KCTD1: variants seen among roughly 807,000 people sequenced by gnomAD.
KCTD1 encodes the protein potassium channel tetramerization domain containing 1.
KCTD1 carries 24 observed loss-of-function variants against 66.0 expected under a neutral mutation model. The ratio of observed to expected loss-of-function variants is 0.36; its 90% CI spans 0.26 to 0.51. KCTD1 has a LOEUF of 0.51. Ranked by LOEUF, KCTD1 falls within the 20% of genes least tolerant of loss-of-function variation. The pLI is 0.95. For missense variants in KCTD1, 943 were observed against 1,205.2 expected, an observed-to-expected ratio of 0.78 and a Z score of 3.22; for synonymous variants, 511 against 517.2, an observed-to-expected ratio of 0.99 and a Z score of 0.16.
chr18:26,592,662 C>G (rs1986635476), intron 1 of KCTD1, among the ~76,000 whole-genome samples: 1 of 152,234 alleles, frequency 6.6e-6, no homozygotes, highest in Admixed American at 6.5e-5. Context: ...AACCCACCCC[C>G]ATGACCACAT....
At chr18:26,593,946 G>T (rs867680129) in intron 1 of KCTD1, among the ~76,000 whole-genome samples, 1 of 152,008 alleles carries the variant, frequency 6.6e-6, no homozygotes, top group African/African-American at 2.4e-5. Flanking sequence ...AGAAGAGAAG[G>T]GGGGGAGAAG....
intron 1 of KCTD1, among the ~76,000 whole-genome samples, chr18:26,635,105 CT>C (rs893500477): frequency 3.3e-5 from 5 of 152,030 alleles, no homozygotes; most frequent in African/African-American, 1.2e-4. Context: ...CTCATTATGG[CT>C]TTTTTTGCAT....
intron 3 of KCTD1, among the ~76,000 whole-genome samples, 158 bp from the exon 4 acceptor site, chr18:26,460,083 GCATTCATT>G (rs376911878): frequency 6.6e-5 from 10 of 152,098 alleles, no homozygotes; most frequent in South Asian, 2.1e-4. Flanking sequence ...GGCTCAATTT[GCATTCATT>G]CATTCATTCA....
intron 1 of KCTD1, among the ~76,000 whole-genome samples, chr18:26,505,416 G>A (rs1982983475): frequency 6.6e-6 from 1 of 152,246 alleles, no homozygotes; most frequent in South Asian, 2.1e-4. Context: ...TCTGCGCATT[G>A]CTCAGGCAAA....
intron 1 of KCTD1, chr18:26,544,405 T>G (rs999157647): frequency 1.3e-5 from 2 of 152,240 alleles, no homozygotes; most frequent in African/African-American, 4.8e-5. Flanking sequence ...TTAGGGAAAC[T>G]TGCAACATTA....
intron 2 of KCTD1, among the ~76,000 whole-genome samples, chr18:26,482,356 C>T (rs1219898421): frequency 6.6e-6 from 1 of 152,158 alleles, no homozygotes; most frequent in Non-Finnish European, 1.5e-5. Flanking sequence ...CCCAAGACTC[C>T]TGAGGTTCCT....
chr18:26,599,472 G>C (rs1334529018), intron 1 of KCTD1: 109 of 1,610,738 alleles, frequency 6.8e-5, no homozygotes, highest in Non-Finnish European at 9.0e-5. Flanking sequence ...ATCCCCAGTG[G>C]AGGCTCTGAA....
intron 4 of KCTD1, chr18:26,457,038 A>AGTT (rs2144522324): frequency 6.6e-6 from 1 of 151,826 alleles, no homozygotes; most frequent in East Asian, 1.9e-4. Context: ...ATTATTTTTT[A>AGTT]GTTGCCTACT....
chr18:26,619,279 G>T (rs1264365529), intron 1 of KCTD1, among the ~76,000 whole-genome samples: 2 of 152,100 alleles, frequency 1.3e-5, no homozygotes, highest in Non-Finnish European at 2.9e-5. Flanking sequence ...TGATCTCAAA[G>T]TATTGCTTAT....
At chr18:26,562,081 C>T (rs1440664002) in intron 1 of KCTD1, among the ~76,000 whole-genome samples, 1 of 152,136 alleles carries the variant, frequency 6.6e-6, no homozygotes, top group African/African-American at 2.4e-5. Context: ...ATGCCTTCGC[C>T]CTCCGCCCAG....
intron 1 of KCTD1, among the ~76,000 whole-genome samples, chr18:26,508,792 G>C (rs1983185744): frequency 6.6e-6 from 1 of 151,958 alleles, no homozygotes; most frequent in Admixed American, 6.6e-5. Flanking sequence ...GGAATGTTCT[G>C]ATTAATTCTG....
chr18:26,503,031 T>A (rs1258446508), intron 1 of KCTD1, among the ~76,000 whole-genome samples: 2 of 152,206 alleles, frequency 1.3e-5, no homozygotes, highest in African/African-American at 4.8e-5. Context: ...AAGCTCAACA[T>A]CTACTGTGAA....
intron 4 of KCTD1, chr18:26,457,254 T>G (rs1980142017): frequency 6.6e-6 from 1 of 152,178 alleles, no homozygotes; most frequent in Admixed American, 6.5e-5. Flanking sequence ...TATGCATACC[T>G]GTCAGCATAA....
At position 26,547,139 on chromosome 18, in the gene KCTD1, G is replaced by A; in HGVS notation, c.1398C>T (p.Gly466=). The change falls in exon 1 of 5, where the codon GGC becomes GGT. Residue 466 remains glycine (G), a synonymous_variant. Transcript: ENST00000580059. ...CGGGCGAGCCCAGCTTGGTGCCAAT[G>A]CCCGCGATGCTGTTGAGCGTGGCGA... is the stretch of plus-strand genomic sequence containing the variant. The part of the protein sequence containing the change: ...VSIATLNSIA[G]IGTKLGSPAP... The A allele has an allele frequency of 1.9e-6, 3 of 1,550,778 alleles. No individual in the cohort carries two copies. The highest frequency in any genetic ancestry group is 2.6e-6 in the Non-Finnish European group (3 of 1,146,966).
intron 2 of KCTD1, among the ~76,000 whole-genome samples, chr18:26,494,341 A>T (rs1183967689): frequency 1.3e-5 from 2 of 152,244 alleles, no homozygotes; most frequent in Non-Finnish European, 2.9e-5. Context: ...ACTGCCCTCC[A>T]GCCTGGGTGA....
At chr18:26,502,980 A>G (rs1425656964) in intron 1 of KCTD1, among the ~76,000 whole-genome samples, 4 of 152,248 alleles carry the variant, frequency 2.6e-5, no homozygotes, top group Non-Finnish European at 5.9e-5. Flanking sequence ...CTTAGCATTA[A>G]CCACATGTCC....
chr18:26,646,173 T>C (rs1365396194), intron 1 of KCTD1, among the ~76,000 whole-genome samples: 1 of 152,244 alleles, frequency 6.6e-6, no homozygotes, highest in Non-Finnish European at 1.5e-5. Context: ...AAAAATGATA[T>C]TGGATTGACT....
At chr18:26,464,776 C>T (rs1041938795) in intron 3 of KCTD1, among the ~76,000 whole-genome samples, 7 of 152,218 alleles carry the variant, frequency 4.6e-5, no homozygotes, top group African/African-American at 1.4e-4. Context: ...GCAGTGGGAT[C>T]CTGCTCTTGG....
intron 2 of KCTD1, among the ~76,000 whole-genome samples, chr18:26,480,413 C>T (rs1470329015): frequency 2.6e-5 from 4 of 152,106 alleles, no homozygotes. Flanking sequence ...AATATGTTCA[C>T]TAAAAAAAAG....
Sources: gnomAD v4.1 joint callset for allele counts (sites outside exome capture counted in the v4.1 genomes callset) on GRCh38, gnomAD v4.1.1 for gene constraint, MANE v1.5 for transcripts, NCBI Gene and HGNC (gene_info 2026-07-23, HGNC 2026-07-21) for gene names.